Variants in PTPN12 observed in about 807,000 individuals in gnomAD.
The protein encoded by PTPN12 is protein tyrosine phosphatase non-receptor type 12, also known as tyrosine-protein phosphatase non-receptor type 12.
A neutral mutation model predicts 97.6 loss-of-function variants in PTPN12; 29 were observed. That is an observed-to-expected ratio of 0.30 (90% confidence interval 0.22 to 0.41). PTPN12 has a LOEUF of 0.41. Ranked by LOEUF, PTPN12 falls within the 10% of genes least tolerant of loss-of-function variation. The probability of loss-of-function intolerance (pLI) is 1.00; values close to 1 mark genes in which losing one functional copy is unlikely to be tolerated. For synonymous variants in PTPN12, 327 were observed against 300.4 expected, an observed-to-expected ratio of 1.09 and a Z score of -0.91; for missense variants, 819 against 926.0, an observed-to-expected ratio of 0.88 and a Z score of 1.50.
Position 77,608,592 on chromosome 7 carries a change from T to C in PTPN12, c.762+1291T>C, listed in dbSNP as rs146995233. On this transcript the variant is annotated intron_variant, in intron 9 of 17. Coordinates refer to ENST00000248594, the MANE Select transcript of PTPN12 (RefSeq NM_002835.4). ...TTATAGTTTCCATGAATTGTTCATCTTTGTCTTGTACAGAGTAGAATTAAT... is the reference window on the plus strand; with the variant it reads ...TTATAGTTTCCATGAATTGTTCATCCTTGTCTTGTACAGAGTAGAATTAAT... Among the ~76,000 whole-genome samples, 306 of 152,380 alleles carry C rather than the reference T, an allele frequency of 2.0e-3. 1 individual carries two copies. The highest frequency in any genetic ancestry group is 3.2e-3 in the Admixed American group (49 of 15,306).
chr7:77,634,110 G>C (rs548962407), intron 14 of PTPN12, among the ~76,000 whole-genome samples: 1 of 152,058 alleles, frequency 6.6e-6, no homozygotes, highest in Non-Finnish European at 1.5e-5. Flanking sequence ...TGAAGAAGAA[G>C]GATTGCTTGA....
chr7:77,621,801 A>G (rs191505823), intron 12 of PTPN12, among the ~76,000 whole-genome samples: 2 of 152,354 alleles, frequency 1.3e-5, no homozygotes, highest in Admixed American at 1.3e-4. Flanking sequence ...TACCAGCATC[A>G]CAACAAACGT....
At chr7:77,548,430 C>G (rs187835367) in intron 1 of PTPN12, among the ~76,000 whole-genome samples, 11 of 152,276 alleles carry the variant, frequency 7.2e-5, no homozygotes, top group African/African-American at 2.6e-4. Flanking sequence ...ACCTTCTTCC[C>G]CATTGTGTAT....
chr7:77,574,532 T>C (rs897851691), intron 2 of PTPN12, among the ~76,000 whole-genome samples: 4 of 152,150 alleles, frequency 2.6e-5, no homozygotes, highest in Non-Finnish European at 5.9e-5. Flanking sequence ...CACTTAGCAA[T>C]GTCTGGAGAG....
At chr7:77,612,770 G>GT (rs201408368) in intron 11 of PTPN12, among the ~76,000 whole-genome samples, 5,790 of 149,568 alleles carry the variant, frequency 0.039, 171 homozygotes, top group Non-Finnish European at 0.061. Flanking sequence ...TGTTTGATTG[G>GT]TTTTTTTTGT....
intron 2 of PTPN12, among the ~76,000 whole-genome samples, chr7:77,573,105 C>CCAAAA (rs1334794189): frequency 6.3e-5 from 3 of 47,856 alleles, no homozygotes; most frequent in East Asian, 5.8e-4. Context: ...AACAAAAAAA[C>CCAAAA]AAAAAAAACC....
At chr7:77,565,062 C>T (rs1808203447) in intron 1 of PTPN12, among the ~76,000 whole-genome samples, 1 of 151,886 alleles carries the variant, frequency 6.6e-6, no homozygotes, top group Non-Finnish European at 1.5e-5. Context: ...AGCTGAAACT[C>T]GTACTGTGTT....
intron 6 of PTPN12, among the ~76,000 whole-genome samples, chr7:77,593,910 G>C (rs1191431728): frequency 2.6e-5 from 4 of 152,130 alleles, no homozygotes; most frequent in African/African-American, 7.2e-5. Context: ...ACTTGTCATT[G>C]CTGAGTTCTT....
At chr7:77,612,889 A>G (rs1314049469) in intron 11 of PTPN12, among the ~76,000 whole-genome samples, 4 of 151,490 alleles carry the variant, frequency 2.6e-5, no homozygotes, top group Non-Finnish European at 5.9e-5. Context: ...CTCCTGCCTC[A>G]GCCTCCTGAA....
chr7:77,557,634 C>G (rs961779309), intron 1 of PTPN12, among the ~76,000 whole-genome samples: 7 of 152,046 alleles, frequency 4.6e-5, no homozygotes, highest in Non-Finnish European at 1.0e-4. Flanking sequence ...GCAATTAGGA[C>G]TCTTAAAAGG....
At chr7:77,567,195 TAA>T (rs35233834) in intron 1 of PTPN12, among the ~76,000 whole-genome samples, 19 of 141,124 alleles carry the variant, frequency 1.3e-4, no homozygotes, top group South Asian at 1.3e-3. Context: ...GTTGATGTGT[TAA>T]AAAAAAAAAA....
chr7:77,597,479 C>A (rs999287338), intron 6 of PTPN12, among the ~76,000 whole-genome samples: 1 of 152,168 alleles, frequency 6.6e-6, no homozygotes, highest in African/African-American at 2.4e-5. Context: ...TGGCTTATTT[C>A]ACTTAGTAAT....
At position 77,632,423 on chromosome 7, in the gene PTPN12, A is replaced by G. The variant is rs769593883; in HGVS notation, c.2072A>G (p.His691Arg). The change falls in exon 14 of 18, where the codon CAT (histidine) becomes CGT (arginine). Residue 691 changes from histidine (H) to arginine (R), a missense_variant and splice_region_variant. Coordinates refer to ENST00000248594, the MANE Select transcript of PTPN12 (RefSeq NM_002835.4). ...TPESFVLASE[H>R]NTPVRSEWSE... ...GAATCGTTTGTGTTAGCAAGTGAAC[A>G]TAGTGAGTGTCTCTTTTGCTTTTAC... 12 of 1,603,066 alleles carry G rather than the reference A, an allele frequency of 7.5e-6. No individual in the cohort carries two copies. In the South Asian group the frequency reaches 1.1e-4, roughly 15 times the overall value.
intron 13 of PTPN12, among the ~76,000 whole-genome samples, chr7:77,630,180 T>C (rs1044703046): frequency 1.3e-5 from 2 of 152,214 alleles, no homozygotes; most frequent in African/African-American, 4.8e-5. Flanking sequence ...TGTTGCCAAA[T>C]ATTTACCATA....
intron 2 of PTPN12, among the ~76,000 whole-genome samples, chr7:77,578,456 A>G (rs1426019130): frequency 6.6e-6 from 1 of 152,224 alleles, no homozygotes; most frequent in Non-Finnish European, 1.5e-5. Flanking sequence ...CTTAGAATAC[A>G]GTGAGGAGAT....
intron 2 of PTPN12, among the ~76,000 whole-genome samples, chr7:77,578,747 GATA>G (rs1024502198): frequency 1.3e-5 from 2 of 152,024 alleles, no homozygotes; most frequent in South Asian, 2.1e-4. Context: ...ATTATAATTT[GATA>G]ATAATAATGG....
intron 6 of PTPN12, among the ~76,000 whole-genome samples, chr7:77,594,469 G>A (rs1248538779): frequency 6.6e-6 from 1 of 152,110 alleles, no homozygotes; most frequent in Non-Finnish European, 1.5e-5. Flanking sequence ...GTTCTGTGTA[G>A]TATGGTTGTT....
At chr7:77,620,593 A>G (rs1179867808) in intron 12 of PTPN12, among the ~76,000 whole-genome samples, 1 of 152,262 alleles carries the variant, frequency 6.6e-6, no homozygotes, top group African/African-American at 2.4e-5. Context: ...GATTGATAAC[A>G]AGTAAAATAG....
chr7:77,568,060 A>G (rs1045853730), intron 1 of PTPN12, among the ~76,000 whole-genome samples: 29 of 152,224 alleles, frequency 1.9e-4, no homozygotes, highest in African/African-American at 4.3e-4. Flanking sequence ...TTTATGGACC[A>G]CTTTTGTATC....
Sources: gnomAD v4.1 joint callset for allele counts (sites outside exome capture counted in the v4.1 genomes callset) on GRCh38, gnomAD v4.1.1 for gene constraint, MANE v1.5 for transcripts, NCBI Gene and HGNC (gene_info 2026-07-23, HGNC 2026-07-21) for gene names.